TAFA1: variants seen among roughly 807,000 people sequenced by gnomAD.
TAFA1 encodes the protein chemokine-like protein TAFA-1.
In TAFA1, 4 loss-of-function variants were observed where a neutral mutation model predicts 18.5. The observed-to-expected ratio is 0.22, with a 90% CI of 0.11 to 0.49. TAFA1 has a LOEUF of 0.49. TAFA1 is among the 20% of genes least tolerant of loss of function. The pLI, the probability that TAFA1 is intolerant of heterozygous loss-of-function variation, is 0.98. For missense variants in TAFA1, 147 were observed against 169.0 expected, an observed-to-expected ratio of 0.87 and a Z score of 0.72; for synonymous variants, 56 against 55.2, an observed-to-expected ratio of 1.01 and a Z score of -0.06.
At chr3:68,254,363 TA>T (rs1334460613) in intron 2 of TAFA1, among the ~76,000 whole-genome samples, 2 of 152,104 alleles carry the variant, frequency 1.3e-5, no homozygotes, top group African/African-American at 4.8e-5. Context: ...AGACGATTGT[TA>T]GTGGAAGTAT....
In TAFA1 at chr3:68,047,074, T is replaced by C. The variant is rs558773959; in HGVS notation, c.118+40330T>C. ...AAAACTGTTTTAATATTGAAAGTAG[T>C]TGAGCTTTATCTGCTCAACTGTTCT... On this transcript the variant is annotated intron_variant, in intron 2 of 4. Coordinates refer to ENST00000478136, the MANE Select transcript of TAFA1 (RefSeq NM_213609.4). Among the ~76,000 whole-genome samples the C allele has an allele frequency of 7.7e-4, 117 of 152,344 alleles. 1 individual carries two copies. Among genetic ancestry groups the C allele is most frequent in the Middle Eastern group, 3.4e-3 (1 of 294 alleles).
At position 68,228,726 on chromosome 3, in the gene TAFA1, A is replaced by C. The variant is rs566727555; in HGVS notation, c.119-188554A>C. 3.1e-4 allele frequency among the ~76,000 whole-genome samples: 47 copies of C among 152,336 alleles called. No individual in the cohort carries two copies. The South Asian group carries it at 3.7e-3, about 12-fold the overall frequency. On this transcript the variant is annotated intron_variant, in intron 2 of 4. Coordinates refer to ENST00000478136, the MANE Select transcript of TAFA1 (RefSeq NM_213609.4). ...TGCAAGTTTAATGGACTTAAAAGAA[A>C]CAATTCTTTGCTTCTTAGTAAAACC...
At chr3:68,262,323 A>G (rs1257507046) in intron 2 of TAFA1, among the ~76,000 whole-genome samples, 4 of 64,014 alleles carry the variant, frequency 6.2e-5, no homozygotes, top group African/African-American at 1.9e-4. Context: ...ATATATATAT[A>G]TATATATATA....
chr3:68,429,667 C>G (rs2071129908), intron 3 of TAFA1, among the ~76,000 whole-genome samples: 1 of 151,922 alleles, frequency 6.6e-6, no homozygotes, highest in African/African-American at 2.4e-5. Context: ...TCCATTTCTC[C>G]TCATTCCCGA....
Position 68,337,148 on chromosome 3 carries a change from A to G in TAFA1, c.119-80132A>G, listed in dbSNP as rs372632515. On this transcript the variant is annotated intron_variant, in intron 2 of 4. Coordinates refer to ENST00000478136, the MANE Select transcript of TAFA1 (RefSeq NM_213609.4). ...AGAACTACCTGAGGCTGGATAATGT[A>G]TTTTTAAAAAGTGGTTTAATTGGCT... Among the ~76,000 whole-genome samples the G allele has an allele frequency of 1.4e-4, 21 of 152,306 alleles. No homozygotes were observed. The East Asian group carries it at 3.9e-3, about 28-fold the overall frequency.
chr3:68,128,336 T>C (rs1362793483), intron 2 of TAFA1, among the ~76,000 whole-genome samples: 2 of 152,162 alleles, frequency 1.3e-5, no homozygotes, highest in African/African-American at 2.4e-5. Context: ...CTTTAGAGTG[T>C]GATAAATAGG....
intron 3 of TAFA1, among the ~76,000 whole-genome samples, chr3:68,506,209 G>A (rs1473005842): frequency 2.0e-5 from 3 of 152,126 alleles, no homozygotes; most frequent in Non-Finnish European, 4.4e-5. Flanking sequence ...TACCTGCAAA[G>A]GACATGAACT....
intron 2 of TAFA1, among the ~76,000 whole-genome samples, chr3:68,142,058 C>T (rs1165314674): frequency 6.6e-6 from 1 of 152,082 alleles, no homozygotes; most frequent in Non-Finnish European, 1.5e-5. Flanking sequence ...TGGCTTCTGC[C>T]CTTTTACCTC....
chr3:68,151,188 T>G (rs1403401156), intron 2 of TAFA1, among the ~76,000 whole-genome samples: 1 of 152,306 alleles, frequency 6.6e-6, no homozygotes, highest in Non-Finnish European at 1.5e-5. Context: ...TAGCCATAAC[T>G]GTTACACAAG....
At position 68,137,574 on chromosome 3, in the gene TAFA1, A is replaced by G. The variant is rs1000664511; in HGVS notation, c.118+130830A>G. Among the ~76,000 whole-genome samples the G allele has an allele frequency of 1.9e-4, 29 of 152,228 alleles. 1 individual carries two copies. Among genetic ancestry groups the G allele is most frequent in the Non-Finnish European group, 1.5e-5 (1 of 68,050 alleles). On this transcript the variant is annotated intron_variant, in intron 2 of 4. Transcript: ENST00000478136. ...CTAAGACTAGTAAATGTATAGATGC[A>G]GAGGTTTTCCCACTCTGAAATCTTA...
At chr3:68,542,146 G>A (rs1425708736) in intron 4 of TAFA1, among the ~76,000 whole-genome samples, 1 of 152,088 alleles carries the variant, frequency 6.6e-6, no homozygotes. Flanking sequence ...TTTAAGAGAG[G>A]AAGACTCCTG....
chr3:68,368,730 C>A (rs2069621674), intron 2 of TAFA1, among the ~76,000 whole-genome samples: 1 of 151,758 alleles, frequency 6.6e-6, no homozygotes, highest in African/African-American at 2.4e-5. Flanking sequence ...AATAAAAATC[C>A]ATTTCATCTC....
intron 3 of TAFA1, among the ~76,000 whole-genome samples, chr3:68,499,452 T>TTC (rs1274174595): frequency 2.0e-5 from 3 of 149,192 alleles, no homozygotes; most frequent in African/African-American, 7.3e-5. Flanking sequence ...CTTTCTTTTT[T>TTC]TTTTTTTTTT....
chr3:68,283,526 C>A (rs551678163), intron 2 of TAFA1, among the ~76,000 whole-genome samples: 34 of 152,264 alleles, frequency 2.2e-4, no homozygotes, highest in South Asian at 2.1e-4. Flanking sequence ...CTGGGTGCAT[C>A]CTGGCCCTGA....
chr3:68,030,392 C>A (rs2106649810), intron 2 of TAFA1, among the ~76,000 whole-genome samples: 1 of 152,104 alleles, frequency 6.6e-6, no homozygotes, highest in South Asian at 2.1e-4. Flanking sequence ...TTAGGTATTT[C>A]TTCTAATGCT....
intron 2 of TAFA1, among the ~76,000 whole-genome samples, chr3:68,384,900 C>T (rs1430677322): frequency 2.6e-5 from 4 of 151,912 alleles, no homozygotes; most frequent in Non-Finnish European, 5.9e-5. Flanking sequence ...TGAATTCAAC[C>T]CTTTACCATT....
intron 2 of TAFA1, among the ~76,000 whole-genome samples, chr3:68,405,691 C>T (rs558815068): frequency 1.2e-5 from 1 of 80,690 alleles, no homozygotes; most frequent in South Asian, 5.2e-4. Context: ...TGGAGTGAGA[C>T]TCTATCTCAA....
intron 2 of TAFA1, among the ~76,000 whole-genome samples, chr3:68,376,286 T>C (rs2069815667): frequency 6.6e-6 from 1 of 152,038 alleles, no homozygotes; most frequent in Non-Finnish European, 1.5e-5. Context: ...CAGGGGTACA[T>C]ATGCAGGTTT....
chr3:68,387,267 C>A (rs1335093814), intron 2 of TAFA1, among the ~76,000 whole-genome samples: 1 of 152,064 alleles, frequency 6.6e-6, no homozygotes, highest in Non-Finnish European at 1.5e-5. Flanking sequence ...CTGACATTCT[C>A]TATGCTAGAC....
Sources: gnomAD v4.1 joint callset for allele counts (sites outside exome capture counted in the v4.1 genomes callset) on GRCh38, gnomAD v4.1.1 for gene constraint, MANE v1.5 for transcripts, NCBI Gene and HGNC (gene_info 2026-07-23, HGNC 2026-07-21) for gene names.